The following LRRC37A2 variants were observed in gnomAD, a reference collection of about 807,000 sequenced individuals.
LRRC37A2 encodes the protein leucine rich repeat containing 37 member A2.
A neutral mutation model predicts 68.8 loss-of-function variants in LRRC37A2; 9 were observed. The observed-to-expected ratio is 0.13, with a 90% CI of 0.08 to 0.23. The LOEUF (loss-of-function observed/expected upper bound fraction) is 0.23. LRRC37A2 is among the 10% of genes least tolerant of loss of function. The pLI is 1.00. For synonymous variants in LRRC37A2, 63 were observed against 367.6 expected (o/e 0.17, Z 9.48); for missense variants, 168 against 950.4 (o/e 0.18, Z 10.82).
At chr17:46,759,719 T>C in the LRRC37A2 span, among the ~76,000 whole-genome samples, 1 of 152,170 alleles carries the variant, frequency 6.6e-6, no homozygotes, top group South Asian at 2.1e-4. Context: ...TCATGTTTCC[T>C]TGCTTTTCTT....
At chr17:46,504,913 AAATT>A in the LRRC37A2 span, among the ~76,000 whole-genome samples, 1 of 122,518 alleles carries the variant, frequency 8.2e-6, no homozygotes, top group Non-Finnish European at 1.6e-5. Flanking sequence ...ATTAATTAAT[AAATT>A]TATTTAATAA....
chr17:46,392,538 CCTT>C, the LRRC37A2 span, among the ~76,000 whole-genome samples: 1 of 28,480 alleles, frequency 3.5e-5, no homozygotes, highest in Admixed American at 3.9e-4. Context: ...TCTCTCTCTT[CCTT>C]TCTTCCTTTC....
chr17:46,858,240 T>C, the LRRC37A2 span, among the ~76,000 whole-genome samples: 3 of 152,314 alleles, frequency 2.0e-5, no homozygotes, highest in Admixed American at 6.5e-5. Flanking sequence ...GTTCTTTATA[T>C]ATTTTGGATA....
the LRRC37A2 span, among the ~76,000 whole-genome samples, chr17:46,745,702 C>T: frequency 6.6e-6 from 1 of 152,320 alleles, no homozygotes; most frequent in African/African-American, 2.4e-5. Context: ...AGAGAAGTAA[C>T]AGTTACCTTT....
chr17:46,851,157 T>C, the LRRC37A2 span, among the ~76,000 whole-genome samples: 1 of 151,786 alleles, frequency 6.6e-6, no homozygotes, highest in Non-Finnish European at 1.5e-5. The surrounding 1 kb of genome is among the most constrained non-coding windows in gnomAD (Gnocchi z 4.3). Context: ...GGGCGGACAA[T>C]GACCCGGGTT....
the LRRC37A2 span, among the ~76,000 whole-genome samples, chr17:46,884,392 T>C: frequency 1.2e-3 from 183 of 152,228 alleles, no homozygotes; most frequent in African/African-American, 4.2e-3. Context: ...CAGCCCCCTC[T>C]CCAAGTTCAG....
At chr17:46,900,242 T>C in the LRRC37A2 span, among the ~76,000 whole-genome samples, 7,033 of 141,588 alleles carry the variant, frequency 0.05, 247 homozygotes, top group Non-Finnish European at 0.075. Flanking sequence ...TATACACACA[T>C]ATATATATGT....
At chr17:46,667,460 CT>C in the LRRC37A2 span, among the ~76,000 whole-genome samples, 614 of 128,100 alleles carry the variant, frequency 4.8e-3, 27 homozygotes, top group African/African-American at 9.3e-3. Flanking sequence ...GTTTGATTTT[CT>C]TTTTTTTTTT....
the LRRC37A2 span, chr17:46,763,828 C>A: frequency 2.8e-5 from 1 of 35,424 alleles, no homozygotes; most frequent in African/African-American, 9.7e-5. Context: ...GGTCCACTAC[C>A]ACCAAAAAAA....
At chr17:46,789,310 C>T in the LRRC37A2 span, among the ~76,000 whole-genome samples, 178 of 152,328 alleles carry the variant, frequency 1.2e-3, 1 homozygote, top group Non-Finnish European at 2.1e-3. Context: ...AAACCAAGGA[C>T]AGTCCCTGAC....
chr17:46,727,620 G>C, the LRRC37A2 span, among the ~76,000 whole-genome samples: 2 of 152,066 alleles, frequency 1.3e-5, no homozygotes, highest in African/African-American at 4.8e-5. Context: ...TATCTGTGAG[G>C]TCTCCATAAA....
chr17:46,882,085 G>A, the LRRC37A2 span, among the ~76,000 whole-genome samples: 4 of 152,206 alleles, frequency 2.6e-5, no homozygotes, highest in South Asian at 6.2e-4. Flanking sequence ...GAGCCCAGGA[G>A]TTCGAGGATA....
the LRRC37A2 span, among the ~76,000 whole-genome samples, chr17:46,841,627 G>A: frequency 1.3e-5 from 2 of 152,056 alleles, no homozygotes; most frequent in Non-Finnish European, 2.9e-5. Flanking sequence ...AATGCCAGAG[G>A]ATTCCTTGAG....
the LRRC37A2 span, chr17:46,938,727 G>A: frequency 6.2e-7 from 1 of 1,613,934 alleles, no homozygotes; most frequent in Non-Finnish European, 8.5e-7. Context: ...TGACCTGTGT[G>A]GTCATGTTCC....
the LRRC37A2 span, among the ~76,000 whole-genome samples, chr17:46,485,923 G>A: frequency 1.2e-5 from 1 of 85,380 alleles, no homozygotes; most frequent in East Asian, 2.5e-4. Context: ...AGCTTGCAGC[G>A]TCCGAGATCG....
chr17:46,752,155 TG>T, the LRRC37A2 span, among the ~76,000 whole-genome samples: 1 of 152,332 alleles, frequency 6.6e-6, no homozygotes, highest in African/African-American at 2.4e-5. Flanking sequence ...TGCAAACTAC[TG>T]TAGGGTTGAA....
At chr17:46,496,920 A>G in the LRRC37A2 span, among the ~76,000 whole-genome samples, 17 of 99,502 alleles carry the variant, frequency 1.7e-4, no homozygotes, top group Admixed American at 6.1e-4. Context: ...ATCTCGGGGA[A>G]AAAAAAAAAA....
At chr17:46,728,157 C>T in the LRRC37A2 span, among the ~76,000 whole-genome samples, 291 of 152,208 alleles carry the variant, frequency 1.9e-3, 2 homozygotes, top group Non-Finnish European at 1.3e-3. Context: ...GTGGCATTTA[C>T]GCTGAATCTT....
chr17:46,876,554 G>A, the LRRC37A2 span: 1 of 1,613,644 alleles, frequency 6.2e-7, no homozygotes, highest in African/African-American at 1.3e-5. Context: ...AGCAGGTAGG[G>A]TGTGCTCCCG....
Sources: gnomAD v4.1 joint callset for allele counts (sites outside exome capture counted in the v4.1 genomes callset) on GRCh38, gnomAD v4.1.1 for gene constraint, Gnocchi (gnomAD v3.1) non-coding constraint, MANE v1.5 for transcripts, NCBI Gene and HGNC (gene_info 2026-07-23, HGNC 2026-07-21) for gene names.